Variants in UGT2A2 observed in about 807,000 individuals in gnomAD.
UGT2A2 encodes UDP glucuronosyltransferase family 2 member A2.
UGT2A2 carries 60 observed loss-of-function variants against 50.7 expected under a neutral mutation model. The observed-to-expected ratio is 1.18, with a 90% CI of 0.96 to 1.47. UGT2A2 has a LOEUF of 1.47. UGT2A2 is among the 40% of genes most tolerant of loss of function. UGT2A2 has a pLI of 0.00. For synonymous variants in UGT2A2, 242 were observed against 214.6 expected, an observed-to-expected ratio of 1.13 and a Z score of -1.11; for missense variants, 762 against 634.0, an observed-to-expected ratio of 1.20 and a Z score of -2.17.
intron 1 of UGT2A2, among the ~76,000 whole-genome samples, chr4:69,610,063 T>C (rs1239892624): frequency 6.6e-6 from 1 of 152,166 alleles, no homozygotes; most frequent in Non-Finnish European, 1.5e-5. Context: ...GCTTCTGGTT[T>C]CCATTGGAAG....
chr4:69,618,214 TG>T (rs61694484), intron 1 of UGT2A2, among the ~76,000 whole-genome samples: 1,186 of 109,828 alleles, frequency 0.011, 20 homozygotes, highest in African/African-American at 0.034. Context: ...TGTGTGTGTG[TG>T]TATGTTTGTG....
At chr4:69,632,067 C>G (rs1194804429) in intron 1 of UGT2A2, among the ~76,000 whole-genome samples, 1 of 152,038 alleles carries the variant, frequency 6.6e-6, no homozygotes, top group Non-Finnish European at 1.5e-5. Flanking sequence ...TGTATATTAA[C>G]TTTATTTTTG....
chr4:69,611,848 T>A (rs942943526), intron 1 of UGT2A2, among the ~76,000 whole-genome samples: 2 of 152,282 alleles, frequency 1.3e-5, no homozygotes, highest in Admixed American at 1.3e-4. Context: ...GAAAGCCTAA[T>A]GGATTGCCCT....
chr4:69,627,433 A>G (rs1025556853), intron 1 of UGT2A2, among the ~76,000 whole-genome samples: 4 of 151,372 alleles, frequency 2.6e-5, no homozygotes, highest in African/African-American at 9.7e-5. Flanking sequence ...CCAAATAAGA[A>G]ATATTTTTTG....
Position 69,594,612 on chromosome 4 carries a change from C to T in UGT2A2, c.1196G>A (p.Gly399Glu), listed in dbSNP as rs1036004763. ...AGGCTGATCAGCAAACATGGGAACT[C>T]CCACCATAGGGACTCCGTGGTAAAT... ...EAIYHGVPMV[G>E]VPMFADQPDN... Residue 399 changes from glycine (G) to glutamate (E), a missense_variant, in exon 5 of 6, where the codon GGA becomes GAA. Gly to Glu is a moderately conservative substitution (Grantham distance 98). Transcript: ENST00000604629. The T allele has an allele frequency of 1.9e-6, 3 of 1,614,088 alleles. No homozygotes were observed. The highest frequency in any genetic ancestry group is 2.5e-6 in the Non-Finnish European group (3 of 1,180,016).
intron 1 of UGT2A2, among the ~76,000 whole-genome samples, chr4:69,606,708 A>C (rs1719646371): frequency 7.3e-6 from 1 of 136,986 alleles, no homozygotes; most frequent in Non-Finnish European, 1.6e-5. Flanking sequence ...TAAGCTGATA[A>C]GCAACTTCAG....
intron 1 of UGT2A2, among the ~76,000 whole-genome samples, chr4:69,636,852 T>G (rs1186050956): frequency 6.6e-6 from 1 of 152,180 alleles, no homozygotes; most frequent in Admixed American, 6.5e-5. Context: ...TAACCCTATT[T>G]TAAAGAAGAG....
chr4:69,614,100 G>C (rs1720226611), intron 1 of UGT2A2, among the ~76,000 whole-genome samples: 1 of 112,848 alleles, frequency 8.9e-6, no homozygotes, highest in Non-Finnish European at 1.9e-5. Flanking sequence ...ACCAAAAACT[G>C]TTTTAAGCTG....
At chr4:69,601,630 G>A (rs1031915282) in intron 1 of UGT2A2, among the ~76,000 whole-genome samples, 11 of 152,048 alleles carry the variant, frequency 7.2e-5, no homozygotes, top group South Asian at 2.1e-4. Flanking sequence ...ATGCCAGTAC[G>A]TTACTACCAC....
At chr4:69,623,682 A>C (rs1316664506) in intron 1 of UGT2A2, among the ~76,000 whole-genome samples, 1 of 151,398 alleles carries the variant, frequency 6.6e-6, no homozygotes, top group Non-Finnish European at 1.5e-5. Context: ...GTAATATTTA[A>C]TTTCTTCAGA....
At chr4:69,597,715 A>AACACAC (rs71671445) in intron 2 of UGT2A2, among the ~76,000 whole-genome samples, 1,943 of 150,336 alleles carry the variant, frequency 0.013, 37 homozygotes, top group African/African-American at 0.045. Flanking sequence ...TCATTAAAAT[A>AACACAC]ACACACACAC....
intron 5 of UGT2A2, among the ~76,000 whole-genome samples, chr4:69,593,440 AAAAT>A (rs1197594586): frequency 3.3e-5 from 5 of 151,788 alleles, no homozygotes; most frequent in Admixed American, 1.3e-4. Context: ...CACATCATCA[AAAAT>A]AAAGACTCAA....
intron 1 of UGT2A2, among the ~76,000 whole-genome samples, chr4:69,629,703 A>AC (rs940862769): frequency 6.6e-6 from 1 of 151,978 alleles, no homozygotes; most frequent in African/African-American, 2.4e-5. Context: ...CTGGAAGAGG[A>AC]CCCCTGCAAG....
rs544558441 is a variant in UGT2A2, at chr4:69,606,272, C to T, written c.743-6878G>A. On this transcript the variant is annotated intron_variant, in intron 1 of 5. Coordinates refer to ENST00000604629, the MANE Select transcript of UGT2A2 (RefSeq NM_001105677.2). ...TGGGACGCAAGGCTGGGTCAACATA[C>T]GCAAATCAACAAACGTAATCCAGCA... 4.5e-4 allele frequency among the ~76,000 whole-genome samples: 62 copies of T among 136,422 alleles called. 10 individuals are homozygous for T. Among genetic ancestry groups the T allele is most frequent in the South Asian group, 1.9e-3 (8 of 4,116 alleles). 89.5% of individuals were successfully genotyped at this position (136,422 alleles called of 152,430 possible).
intron 1 of UGT2A2, among the ~76,000 whole-genome samples, chr4:69,609,797 T>G (rs980794496): frequency 2.0e-5 from 3 of 152,146 alleles, no homozygotes; most frequent in African/African-American, 7.2e-5. Flanking sequence ...TTCACTGCAT[T>G]CCACAAAAAA....
intron 1 of UGT2A2, among the ~76,000 whole-genome samples, chr4:69,612,496 C>G (rs1233155097): frequency 6.6e-6 from 1 of 151,702 alleles, no homozygotes; most frequent in South Asian, 2.1e-4. Context: ...TATAAGACTA[C>G]AGTAATTTAA....
rs1430990638 is a variant in UGT2A2 at position 69,588,514 on chromosome 4, ATAAT to A, written c.*854_*857del. On this transcript the variant is annotated 3_prime_UTR_variant, in exon 6 of 6. Transcript: ENST00000604629. Reference sequence around the variant, plus strand: ...TTATGAACATTAGTGATTTTTAAGCATAATTAATTGATGTTTTATGTAATTATTT... The same window carrying A: ...TTATGAACATTAGTGATTTTTAAGCATAATTGATGTTTTATGTAATTATTT... 6.6e-6 allele frequency: 1 copy of A among 152,136 alleles called. No individual in the cohort carries two copies. Among genetic ancestry groups the A allele is most frequent in the African/African-American group, 2.4e-5 (1 of 41,456 alleles). The allele number at this position is 152,136 out of a possible 1,614,324, so 9.4% of individuals were successfully genotyped here. A position where few individuals can be genotyped will look rare whatever the true frequency, so the allele number is the denominator to read the frequency against.
At chr4:69,633,190 A>G (rs1399145996) in intron 1 of UGT2A2, among the ~76,000 whole-genome samples, 1 of 152,192 alleles carries the variant, frequency 6.6e-6, no homozygotes, top group Non-Finnish European at 1.5e-5. Context: ...TTACACACAT[A>G]CACATTTGAT....
Position 69,609,658 on chromosome 4 carries a change from C to G in UGT2A2, c.743-10264G>C, listed in dbSNP as rs184964769. ...GTCTCTGAGATGAGATTATTTATACCTATACATATTTCTATACCTATACCC... is the reference window on the plus strand; with the variant it reads ...GTCTCTGAGATGAGATTATTTATACGTATACATATTTCTATACCTATACCC... On this transcript the variant is annotated intron_variant, in intron 1 of 5. Coordinates refer to ENST00000604629, the MANE Select transcript of UGT2A2 (RefSeq NM_001105677.2). Among the ~76,000 whole-genome samples the G allele has an allele frequency of 4.7e-4, 71 of 150,362 alleles. 1 individual carries two copies. Among genetic ancestry groups the G allele is most frequent in the African/African-American group, 1.7e-3 (69 of 40,584 alleles).
Sources: allele counts gnomAD v4.1 joint callset (sites outside exome capture counted in the v4.1 genomes callset), GRCh38; gene constraint gnomAD v4.1.1; transcripts MANE v1.5; gene names NCBI Gene and HGNC (gene_info 2026-07-23, HGNC 2026-07-21).